Variants in KDM7A observed in about 807,000 individuals in gnomAD.
The protein encoded by KDM7A is lysine demethylase 7A.
In KDM7A, 28 loss-of-function variants were observed where a neutral mutation model predicts 114.8. The ratio of observed to expected loss-of-function variants is 0.24; its 90% confidence interval spans 0.18 to 0.33. The LOEUF (loss-of-function observed/expected upper bound fraction) is 0.33. Ranked by LOEUF, KDM7A falls within the 10% of genes least tolerant of loss-of-function variation. The pLI, the probability that KDM7A is intolerant of heterozygous loss-of-function variation, is 1.00. For synonymous variants in KDM7A, 423 were observed against 397.8 expected (o/e 1.06, Z -0.75); for missense variants, 942 against 1,142.5 (o/e 0.82, Z 2.53).
chr7:140,092,211 C>T (rs761436722), intron 18 of KDM7A, 134 bp from the exon 19 acceptor site: 11 of 747,550 alleles, frequency 1.5e-5, no homozygotes, highest in Non-Finnish European at 2.4e-5. Context: ...ATCTATTAGC[C>T]ACGGATGACC....
chr7:140,133,458 C>T, intron 3 of KDM7A, 81 bp downstream of exon 3: 1 of 785,004 alleles, frequency 1.3e-6, no homozygotes, highest in Non-Finnish European at 2.1e-6. Flanking sequence ...AGTTTGAAAA[C>T]ATTGCCTTTA....
intron 1 of KDM7A, among the ~76,000 whole-genome samples, chr7:140,144,350 C>T (rs1794316813): frequency 6.6e-6 from 1 of 152,122 alleles, no homozygotes; most frequent in Non-Finnish European, 1.5e-5. Flanking sequence ...CAAAAATTAA[C>T]TCAGATGGAT....
At chr7:140,118,495 G>A (rs866532061) in intron 9 of KDM7A, among the ~76,000 whole-genome samples, 6 of 151,232 alleles carry the variant, frequency 4.0e-5, no homozygotes, top group Admixed American at 2.6e-4. Context: ...TCTGCCTCCC[G>A]CCGGGTTCAA....
intron 2 of KDM7A, among the ~76,000 whole-genome samples, chr7:140,137,253 C>G (rs1441322644): frequency 6.6e-6 from 1 of 152,132 alleles, no homozygotes; most frequent in Admixed American, 6.5e-5. Flanking sequence ...AGCATAATTA[C>G]TCAAAGTTAA....
At chr7:140,138,723 A>G (rs999643530) in intron 2 of KDM7A, among the ~76,000 whole-genome samples, 5 of 152,248 alleles carry the variant, frequency 3.3e-5, no homozygotes, top group African/African-American at 1.2e-4. Context: ...TGAGTGCATT[A>G]AAGTCTTATT....
chr7:140,143,053 C>T (rs936037123), intron 1 of KDM7A, among the ~76,000 whole-genome samples: 2 of 151,448 alleles, frequency 1.3e-5, no homozygotes, highest in African/African-American at 2.4e-5. Flanking sequence ...TGGTGGTGGG[C>T]GCCTGTAGTC....
intron 1 of KDM7A, among the ~76,000 whole-genome samples, chr7:140,152,311 T>C (rs934342018): frequency 1.5e-4 from 23 of 152,144 alleles, no homozygotes; most frequent in African/African-American, 5.6e-4. Context: ...AATTTATATA[T>C]GACCCAGAGA....
At chr7:140,135,574 TTTC>T (rs746296049) in intron 2 of KDM7A, among the ~76,000 whole-genome samples, 1 of 152,178 alleles carries the variant, frequency 6.6e-6, no homozygotes, top group African/African-American at 2.4e-5. Flanking sequence ...TAATGAGCAT[TTTC>T]TTTTTATTAA....
At chr7:140,172,084 G>A (rs1385367376) in intron 1 of KDM7A, among the ~76,000 whole-genome samples, 1 of 152,054 alleles carries the variant, frequency 6.6e-6, no homozygotes, top group African/African-American at 2.4e-5. Flanking sequence ...GAGGATGCAG[G>A]GAACTAAAAG....
chr7:140,099,023 G>C lies in KDM7A; in HGVS notation c.1774C>G (p.Gln592Glu), dbSNP rs1218091921. 1 of 1,610,032 alleles carries C rather than the reference G, an allele frequency of 6.2e-7. No homozygotes were observed. Among genetic ancestry groups the C allele is most frequent in the Non-Finnish European group, 8.5e-7 (1 of 1,178,498 alleles). ...TAAAGACTTTGATCTGCAAAGGGCT[G>C]CCTTTCATCTCTGTATTAAGAAGGA... Reference protein sequence around the residue: ...TNGRIIKDERQPFADQSLYTA... With the variant: ...TNGRIIKDEREPFADQSLYTA... Residue 592 changes from glutamine (Q) to glutamate (E), a missense_variant, in exon 14 of 20, where the codon CAG becomes GAG. Physicochemically the swap from Gln to Glu is conservative, Grantham distance 29 (BLOSUM62 2). This residue lies in a region of KDM7A where 512 missense variants were observed against 576.6 expected (regional missense o/e 0.89). Transcript: ENST00000397560.
intron 17 of KDM7A, among the ~76,000 whole-genome samples, chr7:140,094,504 T>TG (rs199626870): frequency 2.0e-5 from 3 of 150,180 alleles, no homozygotes; most frequent in Non-Finnish European, 3.0e-5. Context: ...GACTCCATCT[T>TG]GGGGGAAAAA....
rs1424788146 is a variant in KDM7A, at chr7:140,085,482, AC to A, written c.*5611del. 1 of 152,112 alleles carries A rather than the reference AC, an allele frequency of 6.6e-6. No homozygotes were observed. Among genetic ancestry groups the A allele is most frequent in the Non-Finnish European group, 1.5e-5 (1 of 68,028 alleles). The allele number at this position is 152,112 out of a possible 1,614,324, so 9.4% of individuals were successfully genotyped here. On this transcript the variant is annotated 3_prime_UTR_variant, in exon 20 of 20. Coordinates refer to ENST00000397560, the MANE Select transcript of KDM7A (RefSeq NM_030647.2). ...CATATTATATAATCTCTTAAAATGA[AC>A]CTTTTCACCCTCTTTCCACAGCATG...
chr7:140,105,010 C>T (rs941210767), intron 11 of KDM7A, among the ~76,000 whole-genome samples: 1 of 152,176 alleles, frequency 6.6e-6, no homozygotes, highest in African/African-American at 2.4e-5. Context: ...CTTCACATCG[C>T]TTGTAAATCG....
Position 140,100,000 on chromosome 7 carries a change from A to G in KDM7A, c.1662T>C (p.Asn554=), listed in dbSNP as rs769202327. The change falls in exon 13 of 20, where the codon AAT becomes AAC. Residue 554 remains asparagine (N), a synonymous_variant. Transcript: ENST00000397560. ...GTTGGAGATGTTTGTTGAATTTTCC[A>G]TTCAGTTTAGAGCTCAAGATGTCCT... ...WEEDILSSKL[N]GKFNKHLQPS... is the part of the protein sequence containing the mutation. 16 of 1,613,990 alleles carry G rather than the reference A, an allele frequency of 9.9e-6. No homozygotes were observed. The highest frequency in any genetic ancestry group is 2.2e-5 in the East Asian group (1 of 44,896).
chr7:140,115,413 A>T (rs888406641), intron 9 of KDM7A, among the ~76,000 whole-genome samples: 5 of 152,230 alleles, frequency 3.3e-5, no homozygotes, highest in Admixed American at 6.5e-5. Context: ...GTGTAGAAAG[A>T]AGTAGACATG....
intron 1 of KDM7A, among the ~76,000 whole-genome samples, chr7:140,174,896 T>C (rs1794684843): frequency 6.6e-6 from 1 of 152,186 alleles, no homozygotes; most frequent in African/African-American, 2.4e-5. Context: ...ATTACAGGCG[T>C]GAGCCACCAA....
chr7:140,169,722 C>T (rs1017716884), intron 1 of KDM7A, among the ~76,000 whole-genome samples: 1 of 152,054 alleles, frequency 6.6e-6, no homozygotes, highest in Non-Finnish European at 1.5e-5. Context: ...GATAGGGTTT[C>T]ACCATGTTGG....
intron 1 of KDM7A, among the ~76,000 whole-genome samples, chr7:140,161,616 C>T (rs1409485277): frequency 6.6e-6 from 1 of 151,542 alleles, no homozygotes; most frequent in African/African-American, 2.4e-5. Context: ...GGCGTGATCT[C>T]GGCTCACTGC....
intron 1 of KDM7A, among the ~76,000 whole-genome samples, chr7:140,161,536 G>A (rs569160107): frequency 2.7e-5 from 4 of 150,658 alleles, no homozygotes; most frequent in Non-Finnish European, 4.4e-5. Flanking sequence ...TTGTTTTTTC[G>A]TTTTTTTGTT....
Sources: gnomAD v4.1 joint callset for allele counts (sites outside exome capture counted in the v4.1 genomes callset) on GRCh38, gnomAD v4.1.1 for gene constraint, gnomAD v4.1.1 regional missense constraint, MANE v1.5 for transcripts, NCBI Gene and HGNC (gene_info 2026-07-23, HGNC 2026-07-21) for gene names.